KCNIP1: variants seen among roughly 807,000 people sequenced by gnomAD.
The protein encoded by KCNIP1 is potassium voltage-gated channel interacting protein 1.
In KCNIP1, 18 loss-of-function variants were observed where a neutral mutation model predicts 33.0. That is an observed-to-expected ratio of 0.55 (90% CI 0.38 to 0.81). The LOEUF (loss-of-function observed/expected upper bound fraction) is 0.81. Ranked by LOEUF, KCNIP1 falls within the 30% of genes least tolerant of loss-of-function variation. The pLI is 0.00. For missense variants in KCNIP1, 238 were observed against 271.6 expected (o/e 0.88, Z 0.87); for synonymous variants, 93 against 98.3 (o/e 0.95, Z 0.32).
chr5:170,544,658 GTTT>G (rs1385969794), intron 1 of KCNIP1, among the ~76,000 whole-genome samples: 2 of 151,886 alleles, frequency 1.3e-5, no homozygotes, highest in African/African-American at 4.8e-5. Context: ...TAAGTAAATA[GTTT>G]TATTATTGTA....
chr5:170,716,623 C>T (rs75098940), intron 1 of KCNIP1, among the ~76,000 whole-genome samples: 3,736 of 152,264 alleles, frequency 0.025, 65 homozygotes, highest in Non-Finnish European at 0.032. Flanking sequence ...ATCCTGCTAC[C>T]CAGACAGCAA....
chr5:170,574,104 AGAG>A (rs1169115313), intron 1 of KCNIP1, among the ~76,000 whole-genome samples: 1 of 152,264 alleles, frequency 6.6e-6, no homozygotes, highest in East Asian at 1.9e-4. Flanking sequence ...AAATAAAAAT[AGAG>A]GAGGACTCAG....
chr5:170,411,968 G>A (rs560395010), intron 1 of KCNIP1, among the ~76,000 whole-genome samples: 2 of 152,188 alleles, frequency 1.3e-5, no homozygotes, highest in Non-Finnish European at 2.9e-5. Flanking sequence ...CAGAAAGGGT[G>A]CACTTTGAGG....
At chr5:170,395,429 T>C (rs1170815422) in intron 1 of KCNIP1, among the ~76,000 whole-genome samples, 2 of 152,222 alleles carry the variant, frequency 1.3e-5, no homozygotes, top group Non-Finnish European at 2.9e-5. Context: ...ATAGATTTCA[T>C]CAAAGCCATG....
chr5:170,387,635 T>C (rs951046574), intron 1 of KCNIP1, among the ~76,000 whole-genome samples: 1 of 152,178 alleles, frequency 6.6e-6, no homozygotes, highest in Admixed American at 6.5e-5. Flanking sequence ...CAAGCAGAAA[T>C]TGCCCCCGAC....
rs1304032559 is a variant in KCNIP1, at chr5:170,533,150, C to A, written c.61+28517C>A. 2.0e-5 allele frequency among the ~76,000 whole-genome samples: 3 copies of A among 152,260 alleles called. No individual in the cohort carries two copies. In the East Asian group the frequency reaches 5.8e-4, roughly 29 times the overall value. On this transcript the variant is annotated intron_variant, in intron 1 of 7. Transcript: ENST00000328939. ...CTTTCTGGAGGCAGTCAGCGTGGAA[C>A]ACCCTGCCTGCAGTCTGACTCAGGG...
rs74949190 is a variant in KCNIP1, at chr5:170,700,564, G to A, written c.62-18194G>A. ...ATTCTAGGCAACAGAGTGAGACCCT[G>A]TCTCAAAAAAAATATTATTCATTTA... On this transcript the variant is annotated intron_variant, in intron 1 of 7. Coordinates refer to ENST00000328939, the MANE Select transcript of KCNIP1 (RefSeq NM_014592.4). 4.5e-3 allele frequency among the ~76,000 whole-genome samples: 686 copies of A among 152,120 alleles called. 5 individuals carry two copies. The highest frequency in any genetic ancestry group is 0.016 in the African/African-American group (646 of 41,498).
At chr5:170,628,974 T>C (rs6555907) in intron 1 of KCNIP1, among the ~76,000 whole-genome samples, 9,707 of 152,268 alleles carry the variant, frequency 0.064, 365 homozygotes, top group Non-Finnish European at 0.084. Flanking sequence ...AAGCCCACCC[T>C]GTGCCTCGTC....
intron 1 of KCNIP1, among the ~76,000 whole-genome samples, chr5:170,431,893 C>T (rs1359863112): frequency 1.3e-5 from 2 of 152,248 alleles, no homozygotes; most frequent in African/African-American, 4.8e-5. Flanking sequence ...TGACACCTGC[C>T]TCTGCTGTCC....
chr5:170,441,370 G>A (rs183023487), intron 1 of KCNIP1, among the ~76,000 whole-genome samples: 71 of 152,294 alleles, frequency 4.7e-4, no homozygotes, highest in African/African-American at 1.7e-3. Flanking sequence ...CGAGACCCCT[G>A]AGGGCACAGA....
At chr5:170,572,081 G>T (rs889064728) in intron 1 of KCNIP1, among the ~76,000 whole-genome samples, 4 of 152,062 alleles carry the variant, frequency 2.6e-5, no homozygotes, top group Admixed American at 6.6e-5. Flanking sequence ...GTGAATGGAG[G>T]TGCACCGAGC....
At chr5:170,722,684 A>G in intron 4 of KCNIP1, 29 bp from the exon 5 acceptor site, 2 of 1,442,820 alleles carry the variant, frequency 1.4e-6, no homozygotes, top group Non-Finnish European at 2.0e-6. Flanking sequence ...CTTGATGGTT[A>G]ATGTCACTCT....
rs567726686 is a variant in KCNIP1, at chr5:170,726,637, C to T, written c.435+3817C>T. Among the ~76,000 whole-genome samples, 272 of 151,308 alleles carry T rather than the reference C, an allele frequency of 1.8e-3. 1 individual carries two copies. The highest frequency in any genetic ancestry group is 5.9e-3 in the African/African-American group (244 of 41,270). ...CATTCCAGTCAGGCATGGTGGCTTA[C>T]GCCTATAATCCCAGTACTTTGGGAG... On this transcript the variant is annotated intron_variant, in intron 5 of 7. Transcript: ENST00000328939.
chr5:170,516,587 C>T (rs1755131114), intron 1 of KCNIP1, among the ~76,000 whole-genome samples: 1 of 152,192 alleles, frequency 6.6e-6, no homozygotes, highest in Admixed American at 6.5e-5. Context: ...ACAGCATATT[C>T]ACAAGATACG....
At chr5:170,727,550 GA>G (rs1169477859) in intron 5 of KCNIP1, among the ~76,000 whole-genome samples, 1 of 151,970 alleles carries the variant, frequency 6.6e-6, no homozygotes, top group Non-Finnish European at 1.5e-5. Flanking sequence ...TGTGTTGAAG[GA>G]AAAAAATCCT....
chr5:170,598,297 A>G (rs1758536881), intron 1 of KCNIP1, among the ~76,000 whole-genome samples: 1 of 152,146 alleles, frequency 6.6e-6, no homozygotes, highest in African/African-American at 2.4e-5. Context: ...TCTCTGATAG[A>G]TCACCAGTGG....
chr5:170,577,787 A>ATGTT (rs1178164348), intron 1 of KCNIP1, among the ~76,000 whole-genome samples: 2 of 152,198 alleles, frequency 1.3e-5, no homozygotes, highest in Non-Finnish European at 2.9e-5. Flanking sequence ...AAGAACAAAG[A>ATGTT]TGTTCAATGA....
intron 1 of KCNIP1, among the ~76,000 whole-genome samples, chr5:170,616,153 C>A (rs1241280540): frequency 6.6e-6 from 1 of 152,218 alleles, no homozygotes; most frequent in African/African-American, 2.4e-5. Flanking sequence ...AAATCACTCA[C>A]TTCTCTGAGC....
intron 1 of KCNIP1, among the ~76,000 whole-genome samples, chr5:170,496,920 T>G (rs1050641726): frequency 1.3e-5 from 2 of 152,060 alleles, no homozygotes; most frequent in Non-Finnish European, 2.9e-5. Context: ...ACCATGACCT[T>G]TACCCTCCTA....
Sources: allele counts gnomAD v4.1 joint callset (sites outside exome capture counted in the v4.1 genomes callset), GRCh38; gene constraint gnomAD v4.1.1; transcripts MANE v1.5; gene names NCBI Gene and HGNC (gene_info 2026-07-23, HGNC 2026-07-21).